The following C2orf76 variants were observed in gnomAD, a reference collection of about 807,000 sequenced individuals.
C2orf76 encodes chromosome 2 open reading frame 76, also known as UPF0538 protein C2orf76.
Under a neutral mutation model 16.9 loss-of-function variants are expected in C2orf76, and 23 were observed. That is an observed-to-expected ratio of 1.36 (90% CI 0.98 to 1.93). The LOEUF is 1.93. Ranked by LOEUF, C2orf76 falls within the 30% of genes most tolerant of loss-of-function variation. The pLI is 0.00. For synonymous variants in C2orf76, 48 were observed against 52.3 expected, an observed-to-expected ratio of 0.92 and a Z score of 0.35; for missense variants, 152 against 152.6, an observed-to-expected ratio of 1.00 and a Z score of 0.02.
At chr2:119,317,217 T>C (rs560526034) in intron 4 of C2orf76, among the ~76,000 whole-genome samples, 1 of 152,308 alleles carries the variant, frequency 6.6e-6, no homozygotes, top group South Asian at 2.1e-4. Context: ...GTTAAATATG[T>C]GCTTGATAAA....
chr2:119,317,588 G>T, intron 3 of C2orf76, 85 bp from the exon 4 acceptor site: 2 of 1,026,384 alleles, frequency 1.9e-6, no homozygotes, highest in Non-Finnish European at 2.9e-6. Flanking sequence ...GGGTGGCTAC[G>T]AAATTGAGAA....
At chr2:119,297,189 C>T in the C2orf76 span, among the ~76,000 whole-genome samples, 1 of 152,218 alleles carries the variant, frequency 6.6e-6, no homozygotes, top group African/African-American at 2.4e-5. Context: ...ATTATCTCCT[C>T]CATCTCACAG....
chr2:119,290,488 G>A, the C2orf76 span, among the ~76,000 whole-genome samples: 1 of 152,106 alleles, frequency 6.6e-6, no homozygotes, highest in Non-Finnish European at 1.5e-5. Context: ...AGGTAAAACT[G>A]ACTAAAGTTA....
chr2:119,337,958 G>C (rs560997565), intron 2 of C2orf76, among the ~76,000 whole-genome samples: 28 of 152,320 alleles, frequency 1.8e-4, no homozygotes, highest in Admixed American at 3.3e-4. Context: ...CAAGAACCTA[G>C]TCTGTACTGT....
intron 1 of C2orf76, among the ~76,000 whole-genome samples, chr2:119,353,687 A>G (rs1377711629): frequency 6.6e-6 from 1 of 151,360 alleles, no homozygotes; most frequent in Non-Finnish European, 1.5e-5. Flanking sequence ...CGCAGCCTCC[A>G]GAGTAGCTGG....
At chr2:119,340,532 A>G (rs1221003845) in intron 1 of C2orf76, among the ~76,000 whole-genome samples, 1 of 152,194 alleles carries the variant, frequency 6.6e-6, no homozygotes, top group African/African-American at 2.4e-5. Context: ...TACTAGGCAC[A>G]TGTACCAGGT....
chr2:119,325,224 C>A (rs1679468968), intron 2 of C2orf76, among the ~76,000 whole-genome samples: 1 of 151,892 alleles, frequency 6.6e-6, no homozygotes, highest in Non-Finnish European at 1.5e-5. Flanking sequence ...CTTTGGGAGG[C>A]CGAGGCGGTT....
chr2:119,301,123 A>G (rs2104526187), downstream of C2orf76, among the ~76,000 whole-genome samples: 1 of 145,448 alleles, frequency 6.9e-6, no homozygotes, highest in East Asian at 1.9e-4. Context: ...TCTGTCAACA[A>G]TGCTCTGATG....
chr2:119,311,822 T>C (rs1214011980), intron 4 of C2orf76, 119 bp from the exon 5 acceptor site: 1 of 932,614 alleles, frequency 1.1e-6, no homozygotes. Flanking sequence ...TAGATTCCAC[T>C]GCCCTGGCCG....
chr2:119,350,107 G>C (rs973994250), intron 1 of C2orf76, among the ~76,000 whole-genome samples: 1 of 124,368 alleles, frequency 8.0e-6, no homozygotes, highest in Non-Finnish European at 1.6e-5. Flanking sequence ...AGTGTTTGTA[G>C]AACTAATGAG....
At chr2:119,329,009 GACTAT>G (rs940345598) in intron 2 of C2orf76, among the ~76,000 whole-genome samples, 5 of 152,094 alleles carry the variant, frequency 3.3e-5, no homozygotes, top group Admixed American at 3.3e-4. Context: ...ATGAAATCTG[GACTAT>G]TCATAAACGC....
chr2:119,356,105 T>G (rs1680563439), intron 1 of C2orf76, among the ~76,000 whole-genome samples: 1 of 151,906 alleles, frequency 6.6e-6, no homozygotes, highest in Admixed American at 6.6e-5. Flanking sequence ...AAAGACGAAG[T>G]CTCAAAGGAA....
chr2:119,325,680 A>G (rs1679488776), intron 2 of C2orf76, among the ~76,000 whole-genome samples: 1 of 152,088 alleles, frequency 6.6e-6, no homozygotes, highest in African/African-American at 2.4e-5. Context: ...TATTCCCACT[A>G]GTGGTATATG....
chr2:119,320,075 TC>T (rs1679296198), intron 3 of C2orf76, among the ~76,000 whole-genome samples: 1 of 152,222 alleles, frequency 6.6e-6, no homozygotes, highest in Non-Finnish European at 1.5e-5. Flanking sequence ...GATAGAATAG[TC>T]TAAAAGGTAC....
chr2:119,304,054 CAAGA>C (rs1465546423), intron 5 of C2orf76, among the ~76,000 whole-genome samples: 6 of 152,158 alleles, frequency 3.9e-5, no homozygotes, highest in Non-Finnish European at 7.4e-5. Flanking sequence ...AAAAGAAAAT[CAAGA>C]AAGAGAGCTT....
chr2:119,295,271 G>A, the C2orf76 span, among the ~76,000 whole-genome samples: 1 of 152,132 alleles, frequency 6.6e-6, no homozygotes, highest in African/African-American at 2.4e-5. Flanking sequence ...AGGTAATAAG[G>A]GAGAGTGGCA....
intron 1 of C2orf76, among the ~76,000 whole-genome samples, chr2:119,343,613 T>C (rs1345967947): frequency 1.3e-5 from 2 of 152,130 alleles, no homozygotes; most frequent in Non-Finnish European, 2.9e-5. Context: ...AACTGTCTGA[T>C]ATATAAATAA....
the C2orf76 span, among the ~76,000 whole-genome samples, chr2:119,295,590 T>G: frequency 6.6e-6 from 1 of 152,142 alleles, no homozygotes; most frequent in East Asian, 1.9e-4. Context: ...GGTGACTGCT[T>G]TGATCGACCA....
At chr2:119,354,646 A>G (rs1430976103) in intron 1 of C2orf76, among the ~76,000 whole-genome samples, 1 of 152,242 alleles carries the variant, frequency 6.6e-6, no homozygotes. Flanking sequence ...TACAAATGAA[A>G]GCACCATTAT....
Sources: allele counts gnomAD v4.1 joint callset (sites outside exome capture counted in the v4.1 genomes callset), GRCh38; gene constraint gnomAD v4.1.1; transcripts MANE v1.5; gene names NCBI Gene and HGNC (gene_info 2026-07-23, HGNC 2026-07-21).